NFATC2: variants seen among roughly 807,000 people sequenced by gnomAD.
NFATC2 encodes nuclear factor of activated T-cells, cytoplasmic 2.
In NFATC2, 22 loss-of-function variants were observed where a neutral mutation model predicts 87.3. The ratio of observed to expected loss-of-function variants is 0.25; its 90% confidence interval spans 0.18 to 0.36. NFATC2 has a LOEUF of 0.36. Among genes scored for constraint, NFATC2 ranks in the 10% least tolerant of loss-of-function variants. The pLI, the probability that NFATC2 is intolerant of heterozygous loss-of-function variation, is 1.00. For synonymous variants in NFATC2, 565 were observed against 542.2 expected (o/e 1.04, Z -0.58); for missense variants, 1,149 against 1,259.1 (o/e 0.91, Z 1.32).
intron 10 of NFATC2, among the ~76,000 whole-genome samples, chr20:51,395,022 AG>A (rs1413434318): frequency 6.6e-6 from 1 of 152,210 alleles, no homozygotes; most frequent in African/African-American, 2.4e-5. Context: ...CTGCACCATC[AG>A]TCTAGGTCCC....
intron 10 of NFATC2, among the ~76,000 whole-genome samples, chr20:51,395,312 A>C (rs1986897271): frequency 2.0e-5 from 1 of 49,394 alleles, no homozygotes; most frequent in Non-Finnish European, 3.9e-5. Flanking sequence ...AGCCTATTTA[A>C]TTAACTTGTA....
intron 4 of NFATC2, 27 bp downstream of exon 4, chr20:51,475,431 C>G: frequency 6.2e-7 from 1 of 1,611,824 alleles, no homozygotes; most frequent in Non-Finnish European, 8.5e-7. Context: ...CCATGAAGAC[C>G]CGCCGCCCTC....
intron 1 of NFATC2, among the ~76,000 whole-genome samples, chr20:51,540,377 G>A (rs765258659): frequency 2.0e-5 from 3 of 152,140 alleles, no homozygotes; most frequent in African/African-American, 2.4e-5. Context: ...GCTTCCTCCC[G>A]AAAACCTAGA....
At position 51,432,540 on chromosome 20, in the gene NFATC2, A is replaced by G. The variant is rs1293441124; in HGVS notation, c.2249T>C (p.Val750Ala). 6.5e-6 allele frequency: 10 copies of G among 1,550,362 alleles called. No individual in the cohort carries two copies. Among genetic ancestry groups the G allele is most frequent in the Non-Finnish European group, 7.8e-6 (9 of 1,150,148 alleles). ...CAGGCTCTTGCTCCGCTGGTAGAGT[A>G]CGGCCGCTGGGTTCTGTTGCTGGTA... The part of the protein sequence containing the change: ...ARYQQQNPAA[V>A]LYQRSKSLSP... The change falls in exon 9 of 11, where the codon GTA becomes GCA. Residue 750 changes from valine to alanine, a missense_variant. Around this residue, in one of 3 missense-constraint regions of NFATC2, gnomAD observed 581 missense variants for 649.7 expected, o/e 0.89. Transcript: ENST00000371564. This position sits in a 1 kb window ranked among gnomAD's most constrained non-coding sequence, Gnocchi z 4.6.
At chr20:51,484,406 C>T (rs2146552669) in intron 3 of NFATC2, among the ~76,000 whole-genome samples, 1 of 152,286 alleles carries the variant, frequency 6.6e-6, no homozygotes, top group East Asian at 1.9e-4. Flanking sequence ...TCCACCTGAC[C>T]CCACATGTGA....
intron 1 of NFATC2, among the ~76,000 whole-genome samples, chr20:51,529,006 G>A (rs756590564): frequency 3.9e-5 from 6 of 152,012 alleles, no homozygotes; most frequent in African/African-American, 9.7e-5. Context: ...ATTTGAATTC[G>A]CACATACACA....
At chr20:51,486,168 G>C (rs528807392) in intron 3 of NFATC2, among the ~76,000 whole-genome samples, 255 of 151,976 alleles carry the variant, frequency 1.7e-3, no homozygotes, top group African/African-American at 6.0e-3. Context: ...CCAAGATCGT[G>C]CCACTGCACT....
At chr20:51,503,652 A>T (rs1003350457) in intron 3 of NFATC2, among the ~76,000 whole-genome samples, 8 of 152,198 alleles carry the variant, frequency 5.3e-5, no homozygotes, top group African/African-American at 1.9e-4. Context: ...TGGGGGTGTC[A>T]ACAGCAGCCC....
At chr20:51,424,622 G>C (rs1420785006) in intron 9 of NFATC2, among the ~76,000 whole-genome samples, 1 of 152,166 alleles carries the variant, frequency 6.6e-6, no homozygotes, top group African/African-American at 2.4e-5. Flanking sequence ...CTCTTTGCCA[G>C]ACAAATCCTA....
chr20:51,445,239 C>T (rs78654282), intron 6 of NFATC2, among the ~76,000 whole-genome samples: 2,074 of 152,218 alleles, frequency 0.014, 33 homozygotes, highest in Non-Finnish European at 0.022. Flanking sequence ...ACTCTCACGA[C>T]GCACCAGCCG....
chr20:51,517,912 CAA>C (rs71192528), intron 2 of NFATC2, among the ~76,000 whole-genome samples: 2 of 139,078 alleles, frequency 1.4e-5, no homozygotes, highest in African/African-American at 2.7e-5. Context: ...GAGACTGTCT[CAA>C]AAAAAAAAAA....
Position 51,391,287 on chromosome 20 carries a change from C to T in NFATC2, c.*209G>A, listed in dbSNP as rs1482814695. 1.6e-5 allele frequency: 19 copies of T among 1,158,876 alleles called. No homozygotes were observed. Among genetic ancestry groups the T allele is most frequent in the South Asian group, 7.3e-5 (6 of 81,776 alleles). 71.8% of individuals were successfully genotyped at this position (1,158,876 alleles called of 1,614,324 possible). ...CGCTTAGTGCCCATACATTGATCCG[C>T]GTGTGGACTCCGGGCTGGGAGATGA... On this transcript the variant is annotated 3_prime_UTR_variant, in exon 11 of 11. Transcript: ENST00000371564.
intron 10 of NFATC2, among the ~76,000 whole-genome samples, chr20:51,398,063 A>G (rs1487327229): frequency 6.9e-6 from 1 of 143,896 alleles, no homozygotes; most frequent in Non-Finnish European, 1.5e-5. Context: ...ACCCTGGGAA[A>G]CTCAGTTCCA....
At chr20:51,496,709 C>A (rs1261965020) in intron 3 of NFATC2, among the ~76,000 whole-genome samples, 1 of 152,168 alleles carries the variant, frequency 6.6e-6, no homozygotes, top group Non-Finnish European at 1.5e-5. Flanking sequence ...CCCAGGGTCA[C>A]AAAGCCAATA....
chr20:51,460,979 G>A (rs932451336), intron 5 of NFATC2, among the ~76,000 whole-genome samples: 14 of 152,156 alleles, frequency 9.2e-5, no homozygotes, highest in East Asian at 1.9e-4. Context: ...GACTTGTCAC[G>A]CACGTTTGCT....
chr20:51,394,970 A>C (rs531949420), intron 10 of NFATC2, among the ~76,000 whole-genome samples: 87 of 152,314 alleles, frequency 5.7e-4, no homozygotes, highest in African/African-American at 2.0e-3. Flanking sequence ...CACCATGCAC[A>C]CAGCAGGTGC....
At chr20:51,473,346 G>C (rs1312162762) in intron 5 of NFATC2, among the ~76,000 whole-genome samples, 1 of 152,072 alleles carries the variant, frequency 6.6e-6, no homozygotes, top group African/African-American at 2.4e-5. Context: ...GGGACAGGGT[G>C]GGGGACAGGG....
intron 10 of NFATC2, among the ~76,000 whole-genome samples, chr20:51,393,923 C>G (rs543461989): frequency 6.6e-6 from 1 of 152,136 alleles, no homozygotes; most frequent in African/African-American, 2.4e-5. Flanking sequence ...AGTAGGGAAA[C>G]TTTTCAAACA....
At chr20:51,453,630 CCACTGAAAAAGA>C (rs1396448423) in intron 6 of NFATC2, among the ~76,000 whole-genome samples, 1 of 152,256 alleles carries the variant, frequency 6.6e-6, no homozygotes, top group Non-Finnish European at 1.5e-5. Context: ...TACCACATAC[CCACTGAAAAAGA>C]CACCGATAGT....
Sources: gnomAD v4.1 joint callset for allele counts (sites outside exome capture counted in the v4.1 genomes callset) on GRCh38, gnomAD v4.1.1 for gene constraint, gnomAD v4.1.1 regional missense constraint, Gnocchi (gnomAD v3.1) non-coding constraint, MANE v1.5 for transcripts, NCBI Gene and HGNC (gene_info 2026-07-23, HGNC 2026-07-21) for gene names.